NBAS: variants seen among roughly 807,000 people sequenced by gnomAD.
The protein encoded by NBAS is NBAS subunit of NRZ tethering complex.
A neutral mutation model predicts 302.5 loss-of-function variants in NBAS; 219 were observed. The observed-to-expected ratio is 0.72, with a 90% CI of 0.65 to 0.81. The LOEUF (loss-of-function observed/expected upper bound fraction) is 0.81. NBAS is among the 30% of genes least tolerant of loss of function. NBAS has a pLI of 0.00. For synonymous variants in NBAS, 1,118 were observed against 1,021.6 expected, an observed-to-expected ratio of 1.09 and a Z score of -1.80; for missense variants, 2,932 against 2,841.6, an observed-to-expected ratio of 1.03 and a Z score of -0.72.
At chr2:14,979,921 G>A in the NBAS span, among the ~76,000 whole-genome samples, 1 of 152,112 alleles carries the variant, frequency 6.6e-6, no homozygotes. Flanking sequence ...AAACCCTGAA[G>A]GTAATGGAAT....
intron 21 of NBAS, among the ~76,000 whole-genome samples, chr2:15,442,456 A>G (rs1282907605): frequency 6.7e-6 from 1 of 148,534 alleles, no homozygotes; most frequent in Non-Finnish European, 1.5e-5. Context: ...GAAACCAACA[A>G]GAACAAAGAC....
chr2:15,468,271 C>T (rs1458752683), intron 17 of NBAS, 111 bp downstream of exon 17: 19 of 1,314,008 alleles, frequency 1.4e-5, no homozygotes, highest in Non-Finnish European at 2.1e-5. Flanking sequence ...AAAGCAACTG[C>T]TTCAGTACAG....
intron 28 of NBAS, among the ~76,000 whole-genome samples, chr2:15,384,526 C>CT (rs1177986571): frequency 4.9e-5 from 1 of 20,532 alleles, no homozygotes; most frequent in Non-Finnish European, 1.5e-4. Flanking sequence ...ATGAAAAGAC[C>CT]CCCCCCCCAT....
the NBAS span, among the ~76,000 whole-genome samples, chr2:15,158,657 G>A: frequency 6.6e-6 from 1 of 152,218 alleles, no homozygotes; most frequent in Non-Finnish European, 1.5e-5. Flanking sequence ...GACCCAGCCA[G>A]AGTCGGGGCC....
the NBAS span, among the ~76,000 whole-genome samples, chr2:14,928,241 T>C: frequency 6.6e-6 from 1 of 152,228 alleles, no homozygotes; most frequent in Non-Finnish European, 1.5e-5. Flanking sequence ...GGCACAACCC[T>C]CTGCCTTTGA....
Position 15,355,160 on chromosome 2 carries a change from C to G in NBAS, c.3931+1143G>C, listed in dbSNP as rs140465666. 2.1e-3 allele frequency among the ~76,000 whole-genome samples: 323 copies of G among 152,298 alleles called. 2 individuals are homozygous for G. The highest frequency in any genetic ancestry group is 3.5e-3 in the Non-Finnish European group (236 of 68,028). ...AGTTGCACAAATCATTAGTGCAGAGCTCCATGAGTCACCATGAAGTGAAGC... is the reference window on the plus strand; with the variant it reads ...AGTTGCACAAATCATTAGTGCAGAGGTCCATGAGTCACCATGAAGTGAAGC... On this transcript the variant is annotated intron_variant, in intron 33 of 51. Coordinates refer to ENST00000281513, the MANE Select transcript of NBAS (RefSeq NM_015909.4).
the NBAS span, among the ~76,000 whole-genome samples, chr2:14,924,535 A>G: frequency 6.6e-6 from 1 of 152,246 alleles, no homozygotes; most frequent in Non-Finnish European, 1.5e-5. Flanking sequence ...GGGCAAATCC[A>G]AAACAGTCCC....
chr2:15,069,905 C>T, the NBAS span, among the ~76,000 whole-genome samples: 1 of 152,162 alleles, frequency 6.6e-6, no homozygotes, highest in African/African-American at 2.4e-5. Flanking sequence ...TTGGAGTTAT[C>T]TAGTTCTTGA....
chr2:15,013,019 A>G, the NBAS span, among the ~76,000 whole-genome samples: 36 of 152,168 alleles, frequency 2.4e-4, no homozygotes, highest in African/African-American at 8.2e-4. Flanking sequence ...CACCATGCCC[A>G]GCTAATTTTT....
chr2:14,991,276 TAAA>T, the NBAS span, among the ~76,000 whole-genome samples: 4 of 149,908 alleles, frequency 2.7e-5, no homozygotes, highest in Non-Finnish European at 5.9e-5. Flanking sequence ...AATTATAATT[TAAA>T]AAAAAAACCC....
In NBAS at chr2:15,166,995, A is replaced by G. The variant is rs1664047267; in HGVS notation, c.*53T>C. 1.3e-6 allele frequency: 2 copies of G among 1,502,220 alleles called. No individual in the cohort carries two copies. Among genetic ancestry groups the G allele is most frequent in the African/African-American group, 2.8e-5 (2 of 71,614 alleles). 93.1% of individuals were successfully genotyped at this position (1,502,220 alleles called of 1,614,324 possible). On this transcript the variant is annotated 3_prime_UTR_variant, in exon 52 of 52. Coordinates refer to ENST00000281513, the MANE Select transcript of NBAS (RefSeq NM_015909.4). ...AGATACACATGTTGCTTCTGGGAAC[A>G]GCATTCAACTCCAGATGCTTTTTCT...
At chr2:15,008,039 G>A in the NBAS span, among the ~76,000 whole-genome samples, 5 of 152,202 alleles carry the variant, frequency 3.3e-5, no homozygotes, top group Admixed American at 1.3e-4. Flanking sequence ...CTATGCAACA[G>A]ATGTTCCAAC....
intron 31 of NBAS, among the ~76,000 whole-genome samples, chr2:15,372,604 A>C (rs1414307223): frequency 6.6e-6 from 1 of 152,264 alleles, no homozygotes; most frequent in Non-Finnish European, 1.5e-5. Flanking sequence ...AAGTATACAA[A>C]GGCAATATTC....
chr2:15,097,730 C>T, the NBAS span, among the ~76,000 whole-genome samples: 22 of 150,758 alleles, frequency 1.5e-4, no homozygotes, highest in Non-Finnish European at 2.8e-4. Flanking sequence ...CCCAAAGGCC[C>T]CACCACCTAA....
At chr2:15,056,833 CT>C in the NBAS span, among the ~76,000 whole-genome samples, 55,944 of 125,498 alleles carry the variant, frequency 0.45, 12,953 homozygotes, top group African/African-American at 0.71. Context: ...TTTTTTTTTT[CT>C]TTTTTTTTTT....
the NBAS span, among the ~76,000 whole-genome samples, chr2:15,071,026 G>C: frequency 6.6e-6 from 1 of 152,124 alleles, no homozygotes; most frequent in Non-Finnish European, 1.5e-5. Context: ...GACAAAGCTG[G>C]TGTGGCAGAT....
In NBAS at chr2:15,311,231, C is replaced by T. The variant is rs191690453; in HGVS notation, c.4583-1984G>A. Among the ~76,000 whole-genome samples the T allele has an allele frequency of 2.8e-3, 421 of 152,250 alleles. 15 individuals carry two copies. Among genetic ancestry groups the T allele is most frequent in the Non-Finnish European group, 1.5e-4 (10 of 68,010 alleles). On this transcript the variant is annotated intron_variant, in intron 38 of 51. Transcript: ENST00000281513. The stretch of plus-strand genomic sequence containing the variant: ...GTGAGATAAGCAGACTATAAAGTAG[C>T]CTCATGTCAGTTTAGTTCAGGTTTT...
At chr2:15,361,029 G>A (rs779620248) in intron 32 of NBAS, among the ~76,000 whole-genome samples, 1 of 152,114 alleles carries the variant, frequency 6.6e-6, no homozygotes, top group Non-Finnish European at 1.5e-5. Context: ...TTACACAACT[G>A]GCTGTATAGG....
chr2:14,854,244 A>C, the NBAS span, among the ~76,000 whole-genome samples: 1 of 152,092 alleles, frequency 6.6e-6, no homozygotes, highest in East Asian at 1.9e-4. Flanking sequence ...AACTTCAAAT[A>C]AACAACCTAA....
Sources: gnomAD v4.1 joint callset for allele counts (sites outside exome capture counted in the v4.1 genomes callset) on GRCh38, gnomAD v4.1.1 for gene constraint, MANE v1.5 for transcripts, NCBI Gene and HGNC (gene_info 2026-07-23, HGNC 2026-07-21) for gene names.